LONRF2: variants seen among roughly 807,000 people sequenced by gnomAD.
The protein encoded by LONRF2 is LON peptidase N-terminal domain and RING finger protein 2.
LONRF2 carries 35 observed loss-of-function variants against 66.6 expected under a neutral mutation model. That is an observed-to-expected ratio of 0.53 (90% confidence interval 0.40 to 0.70). The LOEUF is 0.70. Ranked by LOEUF, LONRF2 falls within the 30% of genes least tolerant of loss-of-function variation. The pLI is 0.00. For missense variants in LONRF2, 902 were observed against 1,002.1 expected (o/e 0.90, Z 1.35); for synonymous variants, 417 against 418.1 (o/e 1.00, Z 0.03).
chr2:100,292,989 A>T (rs1464330189), intron 9 of LONRF2, among the ~76,000 whole-genome samples: 2 of 151,930 alleles, frequency 1.3e-5, no homozygotes, highest in African/African-American at 4.8e-5. Flanking sequence ...CCTGTTTCGG[A>T]TCTCTACATT....
chr2:100,285,948 A>G lies in LONRF2; in HGVS notation c.2070+966T>C, dbSNP rs143740426. Among the ~76,000 whole-genome samples the G allele has an allele frequency of 5.7e-3, 868 of 152,342 alleles. 16 individuals are homozygous for G. The highest frequency in any genetic ancestry group is 4.1e-3 in the Non-Finnish European group (279 of 68,028). Reference sequence around the variant, plus strand: ...GATTGATTAATTTGGTTAATAAACAACAACTCCTAGGAAAAAGAATGACTC... The same window carrying G: ...GATTGATTAATTTGGTTAATAAACAGCAACTCCTAGGAAAAAGAATGACTC... On this transcript the variant is annotated intron_variant, in intron 11 of 11. Coordinates refer to ENST00000393437, the MANE Select transcript of LONRF2 (RefSeq NM_198461.4).
chr2:100,289,419 T>G, intron 10 of LONRF2, among the ~76,000 whole-genome samples: 1 of 147,674 alleles, frequency 6.8e-6, no homozygotes, highest in Admixed American at 6.9e-5. Context: ...GTTGCATAAG[T>G]ACAATAAGGT....
chr2:100,304,572 T>C (rs916343481), intron 2 of LONRF2, among the ~76,000 whole-genome samples: 6 of 152,020 alleles, frequency 3.9e-5, no homozygotes, highest in Admixed American at 2.0e-4. Context: ...CTTCAAAGTC[T>C]CTTTGTGGAA....
chr2:100,295,373 T>C, intron 8 of LONRF2, 59 bp downstream of exon 8: 1 of 1,536,288 alleles, frequency 6.5e-7, no homozygotes, highest in Non-Finnish European at 8.8e-7. Flanking sequence ...GAGGTGAAGC[T>C]GAAGTTGACA....
chr2:100,300,105 A>G (rs899293850), intron 4 of LONRF2, among the ~76,000 whole-genome samples, 187 bp from the exon 5 acceptor site: 4 of 152,100 alleles, frequency 2.6e-5, no homozygotes, highest in Admixed American at 2.0e-4. Flanking sequence ...AAAATACAGG[A>G]TAATTTCTTC....
rs1223401305 is a variant in LONRF2 at position 100,321,750 on chromosome 2, G to A, written c.344C>T (p.Ala115Val). The A allele has an allele frequency of 4.5e-5, 48 of 1,063,850 alleles. No individual in the cohort carries two copies. The highest frequency in any genetic ancestry group is 5.1e-5 in the Non-Finnish European group (45 of 883,592). 65.9% of individuals were successfully genotyped at this position (1,063,850 alleles called of 1,614,324 possible). Residue 115 changes from alanine to valine, a missense_variant, in exon 1 of 12, where the codon GCG (alanine) becomes GTG (valine). Ala to Val is a moderately conservative substitution (Grantham distance 64, BLOSUM62 0). Transcript: ENST00000393437. ...CTCGGGCTCGCCGCCCGGGTTCTCCGCGGACAGCGGCCGGTCGCGCAGGCC... is the reference window on the plus strand; with the variant it reads ...CTCGGGCTCGCCGCCCGGGTTCTCCACGGACAGCGGCCGGTCGCGCAGGCC... ...AVGLRDRPLS[A>V]ENPGGEPEAP...
rs557666941 is a variant in LONRF2, at chr2:100,305,819, A to G, written c.799-2776T>C. The stretch of plus-strand genomic sequence containing the variant: ...CCTTTCACAAAAGCAGAATCACAAA[A>G]GATTCAGCTTTTGTGGAGCCTGAAT... On this transcript the variant is annotated intron_variant, in intron 2 of 11. Transcript: ENST00000393437. Among the ~76,000 whole-genome samples, 5 of 152,348 alleles carry G rather than the reference A, an allele frequency of 3.3e-5. No individual in the cohort carries two copies. In the East Asian group the frequency reaches 9.6e-4, roughly 29 times the overall value.
At chr2:100,291,857 G>A (rs557818821) in intron 9 of LONRF2, among the ~76,000 whole-genome samples, 1 of 152,246 alleles carries the variant, frequency 6.6e-6, no homozygotes, top group East Asian at 1.9e-4. Flanking sequence ...CCGTAACCTA[G>A]TGATGTTCTC....
Position 100,321,955 on chromosome 2 carries a change from G to C in LONRF2, c.139C>G (p.Arg47Gly), listed in dbSNP as rs774375240. The C allele has an allele frequency of 7.5e-6, 11 of 1,462,418 alleles. No homozygotes were observed. Among genetic ancestry groups the C allele is most frequent in the Non-Finnish European group, 9.0e-6 (10 of 1,108,190 alleles). 90.6% of individuals were successfully genotyped at this position (1,462,418 alleles called of 1,614,324 possible). ...GDYEMAAELF[R>G]SMLAGLAQPD... Reference sequence around the variant, plus strand: ...TGCGCCAGCCCGGCTAGCATGGAGCGAAAGAGCTCGGCTGCCATCTCGTAG... The same window carrying C: ...TGCGCCAGCCCGGCTAGCATGGAGCCAAAGAGCTCGGCTGCCATCTCGTAG... Residue 47 changes from arginine (R) to glycine (G), a missense_variant, in exon 1 of 12, where the codon CGC becomes GGC. By Grantham distance (125) the Arg-to-Gly change is moderately radical. Transcript: ENST00000393437.
intron 10 of LONRF2, among the ~76,000 whole-genome samples, chr2:100,289,376 C>T (rs1674910691): frequency 6.6e-6 from 1 of 150,582 alleles, no homozygotes; most frequent in Non-Finnish European, 1.5e-5. Flanking sequence ...AAATACAAAT[C>T]AAAAGCCTAT....
chr2:100,321,219 G>A lies in LONRF2; in HGVS notation c.679+196C>T, dbSNP rs1675616166. Among the ~76,000 whole-genome samples, 4 of 152,230 alleles carry A rather than the reference G, an allele frequency of 2.6e-5. No individual in the cohort carries two copies. In the South Asian group the frequency reaches 8.3e-4, roughly 32 times the overall value. ...TCCTGGAAAAGACAAAACCAGTGGG[G>A]TGCACTTGGCCTCTCCTGGCTGCAG... On this transcript the variant is annotated intron_variant, in intron 1 of 11. Coordinates refer to ENST00000393437, the MANE Select transcript of LONRF2 (RefSeq NM_198461.4).
In LONRF2 at chr2:100,284,255, A is replaced by G; in HGVS notation, c.*43T>C. ...GGCTATTCGTCCATGCCTGACATTTATAAAAGCACAAGGGCTGCCAGAAAC... is the reference window on the plus strand; with the variant it reads ...GGCTATTCGTCCATGCCTGACATTTGTAAAAGCACAAGGGCTGCCAGAAAC... On this transcript the variant is annotated 3_prime_UTR_variant, in exon 12 of 12. Coordinates refer to ENST00000393437, the MANE Select transcript of LONRF2 (RefSeq NM_198461.4). 1 of 1,449,570 alleles carries G rather than the reference A, an allele frequency of 6.9e-7. No homozygotes were observed. The highest frequency in any genetic ancestry group is 9.2e-7 in the Non-Finnish European group (1 of 1,092,008). 89.8% of individuals were successfully genotyped at this position (1,449,570 alleles called of 1,614,324 possible). A position where few individuals can be genotyped will look rare whatever the true frequency, so the allele number is the denominator to read the frequency against.
chr2:100,299,656 A>G (rs1377770361), intron 5 of LONRF2, 61 bp downstream of exon 5: 5 of 1,271,168 alleles, frequency 3.9e-6, no homozygotes, highest in Non-Finnish European at 2.2e-6. Context: ...TATATTGAAT[A>G]CTAGTTAACA....
rs1674666410 is a variant in LONRF2, at chr2:100,279,407, C to T, written c.*4891G>A. On this transcript the variant is annotated 3_prime_UTR_variant, in exon 12 of 12. Transcript: ENST00000393437. ...CAGCTATGGGCCAGCCTAAGGGACTCCTGTATCTCCACGTGTCTTCCTCCT... is the reference window on the plus strand; with the variant it reads ...CAGCTATGGGCCAGCCTAAGGGACTTCTGTATCTCCACGTGTCTTCCTCCT... The T allele has an allele frequency of 6.6e-6, 1 of 151,848 alleles. No homozygotes were observed. Among genetic ancestry groups the T allele is most frequent in the African/African-American group, 2.4e-5 (1 of 41,308 alleles). 9.4% of individuals were successfully genotyped at this position (151,848 alleles called of 1,614,324 possible).
At chr2:100,314,307 AACTT>A (rs1427670823) in intron 1 of LONRF2, among the ~76,000 whole-genome samples, 1 of 152,222 alleles carries the variant, frequency 6.6e-6, no homozygotes, top group Admixed American at 6.5e-5. Flanking sequence ...GGGATGTACT[AACTT>A]ACTTTCATTT....
chr2:100,321,314 C>T (rs1160650317), intron 1 of LONRF2, 101 bp downstream of exon 1: 10 of 1,050,948 alleles, frequency 9.5e-6, no homozygotes, highest in African/African-American at 1.7e-5. Context: ...CTAGACAAAG[C>T]TCTCGAAAGC....
At chr2:100,320,382 C>A (rs1044716767) in intron 1 of LONRF2, among the ~76,000 whole-genome samples, 1 of 152,114 alleles carries the variant, frequency 6.6e-6, no homozygotes, top group African/African-American at 2.4e-5. Context: ...GTGCTCTATT[C>A]CAGCAGAGAA....
chr2:100,298,840 G>C lies in LONRF2; in HGVS notation c.1472C>G (p.Ser491Trp). ...PHCPLCKDKL[S>W]ELLASRNFNI... ...CATTTCCTAAAGTGTACTTACTTCCGAAAGTTTGTCTTTGCACAAAGGACA... is the reference window on the plus strand; with the variant it reads ...CATTTCCTAAAGTGTACTTACTTCCCAAAGTTTGTCTTTGCACAAAGGACA... Residue 491 changes from serine (S) to tryptophan (W), a missense_variant, in exon 7 of 12, where the codon TCG becomes TGG. Ser to Trp is a radical substitution (Grantham distance 177). Coordinates refer to ENST00000393437, the MANE Select transcript of LONRF2 (RefSeq NM_198461.4). 1.9e-6 allele frequency: 3 copies of C among 1,613,038 alleles called. No homozygotes were observed. The highest frequency in any genetic ancestry group is 1.7e-6 in the Non-Finnish European group (2 of 1,178,996).
At position 100,290,408 on chromosome 2, in the gene LONRF2, A is replaced by G; in HGVS notation, c.1770T>C (p.Tyr590=). The G allele has an allele frequency of 1.2e-6, 2 of 1,610,820 alleles. No homozygotes were observed. Among genetic ancestry groups the G allele is most frequent in the Non-Finnish European group, 1.7e-6 (2 of 1,179,054 alleles). ...CGTCCTTAATCTCCAGCATGCATCCATACTCTGAAAGCCTGAAAAGACAGT... is the reference window on the plus strand; with the variant it reads ...CGTCCTTAATCTCCAGCATGCATCCGTACTCTGAAAGCCTGAAAAGACAGT... ...LSAEHAGLSE[Y]GCMLEIKDVR... is the part of the protein sequence containing the mutation. Residue 590 remains tyrosine, a synonymous_variant, in exon 10 of 12, where the codon TAT becomes TAC. Coordinates refer to ENST00000393437, the MANE Select transcript of LONRF2 (RefSeq NM_198461.4).
Sources: allele counts gnomAD v4.1 joint callset (sites outside exome capture counted in the v4.1 genomes callset), GRCh38; gene constraint gnomAD v4.1.1; transcripts MANE v1.5; gene names NCBI Gene and HGNC (gene_info 2026-07-23, HGNC 2026-07-21).